NBEA: variants seen among roughly 807,000 people sequenced by gnomAD.
NBEA encodes the protein neurobeachin, also known as lysosomal-trafficking regulator 2.
NBEA carries 44 observed loss-of-function variants against 343.4 expected under a neutral mutation model. The observed-to-expected ratio is 0.13, with a 90% CI of 0.10 to 0.16. The LOEUF (loss-of-function observed/expected upper bound fraction) is 0.16. Among genes scored for constraint, NBEA ranks in the 10% least tolerant of loss-of-function variants. The probability of loss-of-function intolerance (pLI) is 1.00; values close to 1 mark genes in which losing one functional copy is unlikely to be tolerated. For synonymous variants in NBEA, 1,175 were observed against 1,238.7 expected (o/e 0.95, Z 1.08); for missense variants, 2,555 against 3,631.3 (o/e 0.70, Z 7.62).
At chr13:35,440,400 G>A (rs2045674223) in intron 39 of NBEA, among the ~76,000 whole-genome samples, 1 of 152,158 alleles carries the variant, frequency 6.6e-6, no homozygotes, top group Non-Finnish European at 1.5e-5. Flanking sequence ...ACATTTACAA[G>A]TGATTATAAT....
chr13:35,143,974 C>G (rs559770309), intron 18 of NBEA, among the ~76,000 whole-genome samples: 1 of 151,736 alleles, frequency 6.6e-6, no homozygotes, highest in Non-Finnish European at 1.5e-5. Flanking sequence ...TGGAACAGAT[C>G]AAGTCAATTG....
At chr13:35,582,946 A>C (rs1483549215) in intron 45 of NBEA, among the ~76,000 whole-genome samples, 1 of 152,174 alleles carries the variant, frequency 6.6e-6, no homozygotes, top group Non-Finnish European at 1.5e-5. Flanking sequence ...TTCATAGTTA[A>C]TTATAAATAT....
At chr13:35,238,454 T>C (rs944476889) in intron 34 of NBEA, among the ~76,000 whole-genome samples, 6 of 152,234 alleles carry the variant, frequency 3.9e-5, no homozygotes, top group Non-Finnish European at 8.8e-5. Context: ...GACCAACTTC[T>C]CTTGCTTAGT....
At chr13:35,530,283 G>C (rs2078193425) in intron 41 of NBEA, among the ~76,000 whole-genome samples, 2 of 152,146 alleles carry the variant, frequency 1.3e-5, no homozygotes, top group African/African-American at 4.8e-5. Context: ...TTTTCTGGTG[G>C]TGTGATTAGA....
At position 35,586,113 on chromosome 13, in the gene NBEA, G is replaced by A. The variant is rs573826508; in HGVS notation, c.7176+2075G>A. 6.6e-5 allele frequency among the ~76,000 whole-genome samples: 10 copies of A among 152,208 alleles called. No homozygotes were observed. In the South Asian group the frequency reaches 2.1e-3, roughly 32 times the overall value. The stretch of plus-strand genomic sequence containing the variant: ...ACCTCAGACCACTCTATTGTATGGG[G>A]CTGATGTGTCCAAGAAACACATTGG... On this transcript the variant is annotated intron_variant, in intron 46 of 58. Transcript: ENST00000379939.
At chr13:35,035,338 G>T (rs553760366) in intron 1 of NBEA, among the ~76,000 whole-genome samples, 12 of 151,660 alleles carry the variant, frequency 7.9e-5, no homozygotes, top group Non-Finnish European at 1.5e-4. Flanking sequence ...AATTTCTCTT[G>T]ATGTTTCTAG....
Position 35,273,623 on chromosome 13 carries a change from T to G in NBEA, c.5777-16766T>G, listed in dbSNP as rs2034348671. Among the ~76,000 whole-genome samples, 6 of 151,836 alleles carry G rather than the reference T, an allele frequency of 4.0e-5. No individual in the cohort carries two copies. In the South Asian group the frequency reaches 1.2e-3, roughly 32 times the overall value. ...AAAATAGATAGACTGCTAGCAAGAC[T>G]AATAAAGAAGAAAAGAGAGAAGAAT... is the stretch of plus-strand genomic sequence containing the variant. On this transcript the variant is annotated intron_variant, in intron 34 of 58. Transcript: ENST00000379939.
intron 8 of NBEA, among the ~76,000 whole-genome samples, chr13:35,067,182 A>T (rs2063684953): frequency 6.6e-6 from 1 of 152,144 alleles, no homozygotes; most frequent in Admixed American, 6.6e-5. Context: ...GAGAAGAAAG[A>T]TACAGTATAT....
At chr13:35,490,305 A>G (rs186351508) in intron 41 of NBEA, among the ~76,000 whole-genome samples, 3 of 152,036 alleles carry the variant, frequency 2.0e-5, no homozygotes, top group South Asian at 4.1e-4. Context: ...AGTTTTACCT[A>G]TTGATTCCAG....
intron 41 of NBEA, among the ~76,000 whole-genome samples, chr13:35,483,056 C>G (rs1240850195): frequency 6.6e-6 from 1 of 151,818 alleles, no homozygotes; most frequent in African/African-American, 2.4e-5. Flanking sequence ...TCAAAAAACA[C>G]TGACACAGGC....
chr13:35,549,412 C>T (rs1268744784), intron 41 of NBEA, among the ~76,000 whole-genome samples: 1 of 152,060 alleles, frequency 6.6e-6, no homozygotes, highest in African/African-American at 2.4e-5. Flanking sequence ...GTAGAGTATA[C>T]CACAGCAAGT....
intron 33 of NBEA, among the ~76,000 whole-genome samples, chr13:35,229,806 T>G (rs2074869165): frequency 6.6e-6 from 1 of 152,138 alleles, no homozygotes; most frequent in Non-Finnish European, 1.5e-5. Flanking sequence ...ATTTAAATTG[T>G]GTAACAATGA....
intron 36 of NBEA, among the ~76,000 whole-genome samples, chr13:35,313,155 G>A (rs776212152): frequency 5.9e-5 from 9 of 152,108 alleles, no homozygotes; most frequent in Non-Finnish European, 1.2e-4. Flanking sequence ...GTTGTTTCTC[G>A]ACTTTGAGGA....
intron 34 of NBEA, among the ~76,000 whole-genome samples, chr13:35,262,181 A>C (rs1447918027): frequency 1.3e-5 from 2 of 152,264 alleles, no homozygotes; most frequent in African/African-American, 4.8e-5. Flanking sequence ...AGTGCTGCCA[A>C]GAATATGCAG....
rs952765231 is a variant in NBEA, at chr13:35,270,551, G to T, written c.5777-19838G>T. 1.5e-3 allele frequency among the ~76,000 whole-genome samples: 227 copies of T among 152,304 alleles called. 1 individual carries two copies. The highest frequency in any genetic ancestry group is 5.0e-3 in the African/African-American group (208 of 41,580). On this transcript the variant is annotated intron_variant, in intron 34 of 58. Coordinates refer to ENST00000379939, the MANE Select transcript of NBEA (RefSeq NM_001385012.1). ...TCGCCTCACCTGGGAAGTACAAGAG[G>T]TCTGGGGATTTCCCTTTCCTAGCCA...
At chr13:35,528,775 A>G (rs866059191) in intron 41 of NBEA, among the ~76,000 whole-genome samples, 2 of 152,164 alleles carry the variant, frequency 1.3e-5, no homozygotes, top group African/African-American at 2.4e-5. Flanking sequence ...CTTCACCTCC[A>G]TTATCTTAAG....
chr13:35,027,018 GCTT>G (rs1280270684), intron 1 of NBEA, among the ~76,000 whole-genome samples: 2 of 152,130 alleles, frequency 1.3e-5, no homozygotes, highest in African/African-American at 4.8e-5. Flanking sequence ...TTTGGAGACT[GCTT>G]TTCTTCACTC....
At chr13:35,407,633 T>G (rs915627197) in intron 38 of NBEA, among the ~76,000 whole-genome samples, 3 of 152,186 alleles carry the variant, frequency 2.0e-5, no homozygotes, top group Non-Finnish European at 2.9e-5. Context: ...TCTGTCCACT[T>G]TAACATTTCT....
At position 35,195,889 on chromosome 13, in the gene NBEA, C is replaced by A; in HGVS notation, c.4953C>A (p.Thr1651=). 1 of 1,605,882 alleles carries A rather than the reference C, an allele frequency of 6.2e-7. No individual in the cohort carries two copies. Among genetic ancestry groups the A allele is most frequent in the Non-Finnish European group, 8.5e-7 (1 of 1,177,568 alleles). Residue 1651 remains threonine (T), a synonymous_variant, in exon 31 of 59, where the codon ACC becomes ACA. Transcript: ENST00000379939. ...YKETPAAFPD[T]IKEKETPTPG... ...AAACACCTGCTGCATTTCCAGACAC[C>A]ATAAAAGAAAAAGAAACACCAACTC... is the stretch of plus-strand genomic sequence containing the variant.
Sources: allele counts gnomAD v4.1 joint callset (sites outside exome capture counted in the v4.1 genomes callset), GRCh38; gene constraint gnomAD v4.1.1; transcripts MANE v1.5; gene names NCBI Gene and HGNC (gene_info 2026-07-23, HGNC 2026-07-21).